Variants in BCAT1 observed in about 807,000 individuals in gnomAD.
The protein encoded by BCAT1 is branched chain amino acid transaminase 1.
BCAT1 carries 48 observed loss-of-function variants against 52.4 expected under a neutral mutation model. The ratio of observed to expected loss-of-function variants is 0.92; its 90% CI spans 0.73 to 1.16. BCAT1 has a LOEUF of 1.16. Among genes scored for constraint, BCAT1 ranks in the 50% most tolerant of loss-of-function variants. The pLI is 0.00. For missense variants in BCAT1, 451 were observed against 457.1 expected, an observed-to-expected ratio of 0.99 and a Z score of 0.12; for synonymous variants, 167 against 161.3, an observed-to-expected ratio of 1.04 and a Z score of -0.27.
At chr12:24,845,354 AAAAT>A (rs1201112823) in intron 6 of BCAT1, among the ~76,000 whole-genome samples, 1 of 152,358 alleles carries the variant, frequency 6.6e-6, no homozygotes, top group South Asian at 2.1e-4. Context: ...AAAAAACAAT[AAAAT>A]AAATAAAAAT....
At chr12:24,923,280 C>G (rs1045744139) in intron 1 of BCAT1, among the ~76,000 whole-genome samples, 5 of 152,208 alleles carry the variant, frequency 3.3e-5, no homozygotes, top group Non-Finnish European at 7.3e-5. Flanking sequence ...GCAAGCCTTT[C>G]TAAGACTAGC....
intron 5 of BCAT1, among the ~76,000 whole-genome samples, chr12:24,876,111 A>C (rs1056530533): frequency 6.6e-6 from 1 of 152,088 alleles, no homozygotes; most frequent in African/African-American, 2.4e-5. Flanking sequence ...AAAGCAAAAA[A>C]ACAGAATGGT....
chr12:24,914,257 A>G (rs1396228720), intron 1 of BCAT1, among the ~76,000 whole-genome samples: 1 of 151,780 alleles, frequency 6.6e-6, no homozygotes, highest in Non-Finnish European at 1.5e-5. Flanking sequence ...AATTTTTTAT[A>G]TTTTTGGTAG....
At chr12:24,832,234 C>T (rs1029331971) in intron 9 of BCAT1, among the ~76,000 whole-genome samples, 13 of 152,088 alleles carry the variant, frequency 8.5e-5, no homozygotes, top group Non-Finnish European at 1.9e-4. Context: ...GCTCCAATCC[C>T]GACATGTAGG....
Position 24,884,879 on chromosome 12 carries a change from T to TA in BCAT1, c.280-3469dup, listed in dbSNP as rs563063915. ...CATTAGATGTAGCAGATGTATCTGATAAAATCAAACTAACTTTTCTGATTT... is the reference window on the plus strand; with the variant it reads ...CATTAGATGTAGCAGATGTATCTGATAAAAATCAAACTAACTTTTCTGATTT... On this transcript the variant is annotated intron_variant, in intron 3 of 10. Transcript: ENST00000261192. Among the ~76,000 whole-genome samples the TA allele has an allele frequency of 5.5e-4, 84 of 152,326 alleles. No individual in the cohort carries two copies. The South Asian group carries it at 9.3e-3, about 17-fold the overall frequency.
At chr12:24,938,330 G>T (rs536175863) in intron 1 of BCAT1, among the ~76,000 whole-genome samples, 2 of 152,332 alleles carry the variant, frequency 1.3e-5, no homozygotes, top group African/African-American at 4.8e-5. Flanking sequence ...CCTCACCTAA[G>T]ACCAGGAGGA....
At chr12:24,892,050 C>T (rs542004505) in intron 3 of BCAT1, among the ~76,000 whole-genome samples, 2 of 144,362 alleles carry the variant, frequency 1.4e-5, no homozygotes, top group East Asian at 4.6e-4. Flanking sequence ...AGCCACCTCG[C>T]CTGGCCGTTT....
chr12:24,883,399 G>A (rs536574433), intron 3 of BCAT1, among the ~76,000 whole-genome samples: 16 of 152,178 alleles, frequency 1.1e-4, no homozygotes, highest in African/African-American at 3.9e-4. Flanking sequence ...TGAGGGTAGC[G>A]GTGTAAATTA....
At chr12:24,835,088 G>T (rs182620326) in intron 8 of BCAT1, among the ~76,000 whole-genome samples, 88 of 152,314 alleles carry the variant, frequency 5.8e-4, no homozygotes, top group African/African-American at 2.1e-3. Flanking sequence ...CGAACCTTCT[G>T]TACTTGGTTG....
Position 24,812,923 on chromosome 12 carries a change from A to G in BCAT1, c.*5085T>C, listed in dbSNP as rs1939737297. 6.6e-6 allele frequency: 1 copy of G among 151,958 alleles called. No individual in the cohort carries two copies. The highest frequency in any genetic ancestry group is 6.6e-5 in the Admixed American group (1 of 15,232). 9.4% of individuals were successfully genotyped at this position (151,958 alleles called of 1,614,324 possible). On this transcript the variant is annotated 3_prime_UTR_variant, in exon 11 of 11. Coordinates refer to ENST00000261192, the MANE Select transcript of BCAT1 (RefSeq NM_005504.7). ...ACATAAACTGAACATCATGCAACTCAAGTTATACGTCTTGTTGATTGGGTC... is the reference window on the plus strand; with the variant it reads ...ACATAAACTGAACATCATGCAACTCGAGTTATACGTCTTGTTGATTGGGTC...
intron 10 of BCAT1, among the ~76,000 whole-genome samples, chr12:24,824,315 A>C (rs1940292984): frequency 1.7e-5 from 2 of 119,670 alleles, no homozygotes; most frequent in African/African-American, 3.3e-5. Flanking sequence ...TCCTTTCGAG[A>C]CAGGGTCTCT....
intron 6 of BCAT1, among the ~76,000 whole-genome samples, chr12:24,842,609 T>G (rs1222819051): frequency 6.6e-6 from 1 of 152,182 alleles, no homozygotes; most frequent in East Asian, 1.9e-4. Flanking sequence ...ACACTATCAT[T>G]ATTTCCATTG....
chr12:24,837,867 A>G (rs1941048047), intron 7 of BCAT1, among the ~76,000 whole-genome samples: 1 of 152,208 alleles, frequency 6.6e-6, no homozygotes, highest in South Asian at 2.1e-4. Flanking sequence ...AAAAGAAGAC[A>G]TTCAAGAAAC....
intron 5 of BCAT1, among the ~76,000 whole-genome samples, chr12:24,870,747 G>A (rs940853022): frequency 1.3e-5 from 2 of 152,188 alleles, no homozygotes; most frequent in African/African-American, 4.8e-5. Context: ...TTGTTATCAG[G>A]CCAAGCTCAG....
intron 3 of BCAT1, among the ~76,000 whole-genome samples, chr12:24,891,231 A>G (rs1169697151): frequency 6.6e-6 from 1 of 152,194 alleles, no homozygotes; most frequent in Non-Finnish European, 1.5e-5. Flanking sequence ...CACATGGAGA[A>G]CAAGTAATGC....
At chr12:24,894,214 G>A (rs1000302712) in intron 3 of BCAT1, 61 bp downstream of exon 3, 31 of 1,511,170 alleles carry the variant, frequency 2.1e-5, no homozygotes, top group Non-Finnish European at 2.6e-5. Flanking sequence ...AGCAGGAGAA[G>A]CTACTTAGTA....
At chr12:24,848,836 G>T (rs903737427) in intron 6 of BCAT1, among the ~76,000 whole-genome samples, 3 of 152,206 alleles carry the variant, frequency 2.0e-5, no homozygotes, top group African/African-American at 7.2e-5. Flanking sequence ...GAATGCAGTT[G>T]CTAAAGTTGC....
chr12:24,939,798 C>A (rs1195590598), intron 1 of BCAT1, among the ~76,000 whole-genome samples: 2 of 152,310 alleles, frequency 1.3e-5, no homozygotes, highest in East Asian at 3.9e-4. Context: ...CACACCACTT[C>A]ACTCCAGTCT....
intron 1 of BCAT1, among the ~76,000 whole-genome samples, chr12:24,919,156 C>T (rs1943464623): frequency 6.6e-6 from 1 of 152,130 alleles, no homozygotes; most frequent in Admixed American, 6.5e-5. Context: ...AAAATAGATA[C>T]CAGCATAAAG....
Sources: allele counts gnomAD v4.1 joint callset (sites outside exome capture counted in the v4.1 genomes callset), GRCh38; gene constraint gnomAD v4.1.1; transcripts MANE v1.5; gene names NCBI Gene and HGNC (gene_info 2026-07-23, HGNC 2026-07-21).